The following PLEKHG1 variants were observed in gnomAD, a reference collection of about 807,000 sequenced individuals.
The protein encoded by PLEKHG1 is pleckstrin homology and RhoGEF domain containing G1.
A neutral mutation model predicts 100.8 loss-of-function variants in PLEKHG1; 44 were observed. The observed-to-expected ratio is 0.44, with a 90% confidence interval of 0.34 to 0.56. The LOEUF (loss-of-function observed/expected upper bound fraction) is 0.56. Ranked by LOEUF, PLEKHG1 falls within the 20% of genes least tolerant of loss-of-function variation. The probability of loss-of-function intolerance (pLI) is 0.01; values close to 1 mark genes in which losing one functional copy is unlikely to be tolerated. For synonymous variants in PLEKHG1, 640 were observed against 662.5 expected (o/e 0.97, Z 0.52); for missense variants, 1,545 against 1,720.9 (o/e 0.90, Z 1.81).
chr6:150,738,517 C>T (rs1428403664), intron 2 of PLEKHG1, among the ~76,000 whole-genome samples: 5 of 152,124 alleles, frequency 3.3e-5, no homozygotes, highest in Non-Finnish European at 5.9e-5. Flanking sequence ...GTGTTATGCC[C>T]TTCTTTCCCA....
At chr6:150,631,939 G>A (rs935466155) in intron 1 of PLEKHG1, among the ~76,000 whole-genome samples, 1 of 152,194 alleles carries the variant, frequency 6.6e-6, no homozygotes, top group Non-Finnish European at 1.5e-5. Context: ...GGGCTGGCTG[G>A]CTGCTTCCTC....
intron 4 of PLEKHG1, among the ~76,000 whole-genome samples, chr6:150,793,691 A>C (rs1394928209): frequency 6.6e-6 from 1 of 152,220 alleles, no homozygotes; most frequent in East Asian, 1.9e-4. Context: ...CATTAGAGGA[A>C]GCACAAAACA....
chr6:150,702,636 A>G (rs182524693), intron 3 of PLEKHG1, among the ~76,000 whole-genome samples: 9 of 151,012 alleles, frequency 6.0e-5, no homozygotes, highest in Non-Finnish European at 1.0e-4. Flanking sequence ...CCCTTCTAAC[A>G]GTTATTTAAA....
intron 5 of PLEKHG1, among the ~76,000 whole-genome samples, chr6:150,797,247 A>T (rs188219185): frequency 1.6e-4 from 25 of 152,290 alleles, no homozygotes; most frequent in African/African-American, 6.0e-4. Flanking sequence ...GATAAAGTGG[A>T]TGGTGGGATC....
chr6:150,733,408 T>C (rs1218166976), intron 1 of PLEKHG1, among the ~76,000 whole-genome samples, 176 bp from the exon 3 acceptor site: 3 of 152,200 alleles, frequency 2.0e-5, no homozygotes, highest in African/African-American at 7.2e-5. Flanking sequence ...ACCCAGATGA[T>C]GCTTCAGAAA....
chr6:150,724,970 C>T (rs1427513028), intron 1 of PLEKHG1, among the ~76,000 whole-genome samples: 3 of 152,234 alleles, frequency 2.0e-5, no homozygotes, highest in Non-Finnish European at 1.5e-5. Context: ...AATCCCTACT[C>T]AACTGAGGTA....
intron 3 of PLEKHG1, among the ~76,000 whole-genome samples, chr6:150,784,249 G>C (rs1206723111): frequency 6.6e-6 from 1 of 152,156 alleles, no homozygotes; most frequent in Non-Finnish European, 1.5e-5. Context: ...ACAAAATTTT[G>C]TAATTATGTC....
intron 1 of PLEKHG1, chr6:150,624,794 G>A (rs559281807): frequency 6.6e-6 from 1 of 152,106 alleles, no homozygotes; most frequent in Non-Finnish European, 1.5e-5. Context: ...CACTTCAAAG[G>A]CACCTTGTAC....
At chr6:150,792,687 CAACAAA>C (rs936793902) in intron 4 of PLEKHG1, among the ~76,000 whole-genome samples, 10 of 151,464 alleles carry the variant, frequency 6.6e-5, no homozygotes, top group African/African-American at 2.4e-4. Flanking sequence ...ACAACAACAA[CAACAAA>C]AAAAAACCAC....
intron 2 of PLEKHG1, among the ~76,000 whole-genome samples, chr6:150,748,789 A>ATT (rs556195738): frequency 5.3e-5 from 8 of 151,308 alleles, no homozygotes; most frequent in African/African-American, 1.7e-4. Flanking sequence ...TGCCCGGCTA[A>ATT]TTTTTTTTGT....
At chr6:150,722,919 C>T (rs770303671) in intron 1 of PLEKHG1, among the ~76,000 whole-genome samples, 33 of 152,292 alleles carry the variant, frequency 2.2e-4, no homozygotes, top group Non-Finnish European at 4.6e-4. Flanking sequence ...AGGTACTGTT[C>T]AAAGCAAAGC....
chr6:150,736,679 G>T (rs1013310876), intron 2 of PLEKHG1, among the ~76,000 whole-genome samples: 1 of 152,146 alleles, frequency 6.6e-6, no homozygotes, highest in African/African-American at 2.4e-5. Context: ...TGAGACAGGA[G>T]AATCGCTTGA....
Position 150,780,630 on chromosome 6 carries a change from CAAAA to C in PLEKHG1, c.513-5759_513-5756del, listed in dbSNP as rs368263207. On this transcript the variant is annotated intron_variant, in intron 3 of 15. Coordinates refer to ENST00000358517, the Ensembl canonical transcript of PLEKHG1. ...CACTCTAGTATATCGACTTTAAAAA[CAAAA>C]GACATCATTCTCTTTATAGCATTCT... 6.4e-3 allele frequency among the ~76,000 whole-genome samples: 971 copies of C among 152,134 alleles called. 14 individuals are homozygous for C. Among genetic ancestry groups the C allele is most frequent in the African/African-American group, 0.022 (931 of 41,494 alleles).
In PLEKHG1 at chr6:150,786,925, G is replaced by A. The variant is rs535051441; in HGVS notation, c.582+466G>A. On this transcript the variant is annotated intron_variant, in intron 4 of 15. Coordinates refer to ENST00000358517, the Ensembl canonical transcript of PLEKHG1. The stretch of plus-strand genomic sequence containing the variant: ...TGCCTGTAATCCCAGCTACTAGGGT[G>A]GCTGAGGCAGGAGAATCACTTGAGC... Among the ~76,000 whole-genome samples the A allele has an allele frequency of 3.8e-4, 58 of 151,882 alleles. 1 individual carries two copies. Among genetic ancestry groups the A allele is most frequent in the African/African-American group, 1.4e-3 (58 of 41,400 alleles).
intron 3 of PLEKHG1, among the ~76,000 whole-genome samples, chr6:150,652,883 A>G (rs1778808704): frequency 6.6e-6 from 1 of 152,214 alleles, no homozygotes; most frequent in East Asian, 1.9e-4. Flanking sequence ...TATTGGAGAC[A>G]TAAATATTTA....
chr6:150,654,825 T>A (rs1778902257), intron 3 of PLEKHG1, among the ~76,000 whole-genome samples: 1 of 152,228 alleles, frequency 6.6e-6, no homozygotes, highest in South Asian at 2.1e-4. Flanking sequence ...AGTAACTTGT[T>A]GTATTGAGCT....
At chr6:150,629,027 C>T (rs2128560640) in intron 1 of PLEKHG1, among the ~76,000 whole-genome samples, 1 of 152,226 alleles carries the variant, frequency 6.6e-6, no homozygotes, top group East Asian at 1.9e-4. Flanking sequence ...CTCCATTGGC[C>T]ACAGTGGAAT....
chr6:150,688,612 C>T (rs553900098), intron 3 of PLEKHG1, among the ~76,000 whole-genome samples: 6 of 152,294 alleles, frequency 3.9e-5, no homozygotes, highest in African/African-American at 1.4e-4. Context: ...GGATTACAGC[C>T]ATAAGCCACC....
intron 4 of PLEKHG1, among the ~76,000 whole-genome samples, chr6:150,787,560 T>C (rs1785699236): frequency 6.6e-6 from 1 of 152,136 alleles, no homozygotes; most frequent in South Asian, 2.1e-4. Context: ...TGCACGAAGG[T>C]TTAATAAAAG....
Sources: gnomAD v4.1 joint callset for allele counts (sites outside exome capture counted in the v4.1 genomes callset) on GRCh38, gnomAD v4.1.1 for gene constraint, MANE v1.5 for transcripts, NCBI Gene and HGNC (gene_info 2026-07-23, HGNC 2026-07-21) for gene names.